Variants in JAM3 observed in about 807,000 individuals in gnomAD.
JAM3 encodes the protein junctional adhesion molecule 3.
A neutral mutation model predicts 39.4 loss-of-function variants in JAM3; 31 were observed. That is an observed-to-expected ratio of 0.79 (90% CI 0.59 to 1.06). JAM3 has a LOEUF of 1.06. Ranked by LOEUF, JAM3 falls within the 50% of genes least tolerant of loss-of-function variation. The pLI is 0.00. For synonymous variants in JAM3, 182 were observed against 148.7 expected, an observed-to-expected ratio of 1.22 and a Z score of -1.63; for missense variants, 455 against 391.4, an observed-to-expected ratio of 1.16 and a Z score of -1.37.
At chr11:134,082,036 G>A (rs1941674402) in intron 1 of JAM3, among the ~76,000 whole-genome samples, 1 of 152,210 alleles carries the variant, frequency 6.6e-6, no homozygotes, top group South Asian at 2.1e-4. Context: ...CTTGCATGGG[G>A]CCTATCGCCC....
chr11:134,149,027 A>T (rs923663804), intron 8 of JAM3, 119 bp from the exon 9 acceptor site: 2 of 1,242,224 alleles, frequency 1.6e-6, no homozygotes, highest in East Asian at 2.3e-5. Flanking sequence ...AGCGCTAGTG[A>T]TGGTACTTTT....
intron 1 of JAM3, among the ~76,000 whole-genome samples, chr11:134,087,232 CT>C (rs897190010): frequency 6.6e-6 from 1 of 152,034 alleles, no homozygotes; most frequent in African/African-American, 2.4e-5. Flanking sequence ...CACACACACA[CT>C]TTTTTTGCAT....
intron 1 of JAM3, among the ~76,000 whole-genome samples, chr11:134,086,667 TTAAA>T (rs1241374721): frequency 1.3e-5 from 2 of 152,272 alleles, no homozygotes; most frequent in African/African-American, 4.8e-5. Context: ...AAACAGCTTA[TTAAA>T]TAAATAGCTA....
intron 1 of JAM3, among the ~76,000 whole-genome samples, chr11:134,128,264 G>T (rs1023977810): frequency 6.6e-6 from 1 of 152,150 alleles, no homozygotes; most frequent in African/African-American, 2.4e-5. Context: ...CTCACCTGCA[G>T]AGACAGCCCT....
rs184616219 is a variant in JAM3, at chr11:134,115,312, A to G, written c.77-24539A>G. Among the ~76,000 whole-genome samples, 48 of 152,260 alleles carry G rather than the reference A, an allele frequency of 3.2e-4. 1 individual carries two copies. The East Asian group carries it at 7.1e-3, about 23-fold the overall frequency. Reference sequence around the variant, plus strand: ...GCTTTTTTAGGAGAAAATCTAATCTAACAATATATGCCATTTAATTGGGAT... The same window carrying G: ...GCTTTTTTAGGAGAAAATCTAATCTGACAATATATGCCATTTAATTGGGAT... On this transcript the variant is annotated intron_variant, in intron 1 of 8. Transcript: ENST00000299106.
chr11:134,101,815 C>G (rs1296626762), intron 1 of JAM3, among the ~76,000 whole-genome samples: 3 of 151,968 alleles, frequency 2.0e-5, no homozygotes, highest in African/African-American at 7.3e-5. Flanking sequence ...GCCTGTAATC[C>G]TAGTATTTTG....
intron 6 of JAM3, among the ~76,000 whole-genome samples, chr11:134,146,338 G>A (rs921248347): frequency 2.0e-5 from 3 of 152,160 alleles, no homozygotes; most frequent in Non-Finnish European, 4.4e-5. Context: ...GTAATTGATA[G>A]AATTATCAAA....
At chr11:134,144,476 C>G (rs1309597194) in intron 4 of JAM3, 83 bp downstream of exon 4, 1 of 1,519,342 alleles carries the variant, frequency 6.6e-7, no homozygotes, top group African/African-American at 1.4e-5. Flanking sequence ...CCTTCTAGAA[C>G]TGTATCCCTG....
At chr11:134,121,737 C>T (rs1330058727) in intron 1 of JAM3, among the ~76,000 whole-genome samples, 3 of 152,130 alleles carry the variant, frequency 2.0e-5, no homozygotes, top group Non-Finnish European at 4.4e-5. Context: ...CTTTATACAT[C>T]CTTCTCCTCA....
intron 1 of JAM3, among the ~76,000 whole-genome samples, chr11:134,099,460 C>T (rs1942036958): frequency 6.6e-6 from 1 of 152,132 alleles, no homozygotes; most frequent in African/African-American, 2.4e-5. Flanking sequence ...CTGTCTCGCC[C>T]TCTCTCTGAT....
chr11:134,100,223 T>C (rs2120678113), intron 1 of JAM3, among the ~76,000 whole-genome samples: 1 of 152,290 alleles, frequency 6.6e-6, no homozygotes, highest in South Asian at 2.1e-4. Flanking sequence ...AATGATCCCA[T>C]TTTTCTGATC....
At chr11:134,119,982 T>C (rs960015102) in intron 1 of JAM3, among the ~76,000 whole-genome samples, 1 of 152,240 alleles carries the variant, frequency 6.6e-6, no homozygotes, top group Non-Finnish European at 1.5e-5. Context: ...CTATATACTT[T>C]GCTGTGTGTA....
intron 1 of JAM3, among the ~76,000 whole-genome samples, chr11:134,135,855 G>C (rs979153708): frequency 1.3e-5 from 2 of 152,098 alleles, no homozygotes; most frequent in Non-Finnish European, 2.9e-5. Flanking sequence ...GAACACCTGA[G>C]ATCAGGAGTT....
rs776580488 is a variant in JAM3 at position 134,144,223 on chromosome 11, C to T, written c.257-18C>T. On this transcript the variant is annotated intron_variant, in intron 3 of 8. Coordinates refer to ENST00000299106, the MANE Select transcript of JAM3 (RefSeq NM_032801.5). The stretch of plus-strand genomic sequence containing the variant: ...TTTCTTTAAAGAAGTTTTTTAGTGC[C>T]TCGTGTCTTTTCTGTAGGAGACTTG... The T allele has an allele frequency of 3.1e-6, 5 of 1,613,948 alleles. No homozygotes were observed. The highest frequency in any genetic ancestry group is 3.3e-5 in the Admixed American group (2 of 59,998).
At chr11:134,132,278 T>TA (rs1942783905) in intron 1 of JAM3, among the ~76,000 whole-genome samples, 1 of 152,180 alleles carries the variant, frequency 6.6e-6, no homozygotes, top group South Asian at 2.1e-4. Context: ...GTGATATATT[T>TA]AAAGTGCTGC....
At chr11:134,091,941 A>G (rs1941866470) in intron 1 of JAM3, among the ~76,000 whole-genome samples, 1 of 151,834 alleles carries the variant, frequency 6.6e-6, no homozygotes, top group Non-Finnish European at 1.5e-5. Context: ...TCAGGGCAGT[A>G]TTGCAACAAT....
chr11:134,129,292 A>AT (rs1448151166), intron 1 of JAM3, among the ~76,000 whole-genome samples: 2 of 151,780 alleles, frequency 1.3e-5, no homozygotes, highest in African/African-American at 4.8e-5. Context: ...AATTTTTTGT[A>AT]TTTTTAGTAG....
Position 134,149,226 on chromosome 11 carries a change from C to T in JAM3, c.*45C>T, listed in dbSNP as rs765590456. On this transcript the variant is annotated 3_prime_UTR_variant, in exon 9 of 9. Coordinates refer to ENST00000299106, the MANE Select transcript of JAM3 (RefSeq NM_032801.5). ...AGCGCACAGAGCGCACGTGCACATA[C>T]CTCTGCTAGAAACTCCTGTCAAGGC... is the stretch of plus-strand genomic sequence containing the variant. 9.3e-6 allele frequency: 15 copies of T among 1,611,902 alleles called. No individual in the cohort carries two copies. The highest frequency in any genetic ancestry group is 1.3e-5 in the African/African-American group (1 of 74,910).
chr11:134,113,096 GC>G (rs1209275502), intron 1 of JAM3, among the ~76,000 whole-genome samples: 1 of 152,056 alleles, frequency 6.6e-6, no homozygotes, highest in Non-Finnish European at 1.5e-5. Context: ...ATGGTAACTG[GC>G]ATATATTAAG....
Sources: allele counts gnomAD v4.1 joint callset (sites outside exome capture counted in the v4.1 genomes callset), GRCh38; gene constraint gnomAD v4.1.1; transcripts MANE v1.5; gene names NCBI Gene and HGNC (gene_info 2026-07-23, HGNC 2026-07-21).